SPNS3: variants seen among roughly 807,000 people sequenced by gnomAD.
SPNS3 encodes the protein protein spinster homolog 3.
A neutral mutation model predicts 54.4 loss-of-function variants in SPNS3; 51 were observed. The ratio of observed to expected loss-of-function variants is 0.94; its 90% CI spans 0.75 to 1.18. The LOEUF is 1.18. Among genes scored for constraint, SPNS3 ranks in the 50% most tolerant of loss-of-function variants. The pLI, the probability that SPNS3 is intolerant of heterozygous loss-of-function variation, is 0.00. For missense variants in SPNS3, 669 were observed against 677.4 expected, an observed-to-expected ratio of 0.99 and a Z score of 0.14; for synonymous variants, 309 against 294.7, an observed-to-expected ratio of 1.05 and a Z score of -0.50.
chr17:4,446,893 C>T lies in SPNS3; in HGVS notation c.555-3C>T. 1 of 1,613,940 alleles carries T rather than the reference C, an allele frequency of 6.2e-7. No individual in the cohort carries two copies. The highest frequency in any genetic ancestry group is 1.1e-5 in the South Asian group (1 of 91,090). ...GCCCATCGCCCCTGCCCCTTTGTTG[C>T]AGTGGTCTGGGCTACGTGCTGGGGT... On this transcript the variant is annotated splice_region_variant and splice_polypyrimidine_tract_variant and intron_variant, in intron 4 of 11. Coordinates refer to ENST00000355530, the MANE Select transcript of SPNS3 (RefSeq NM_182538.5).
chr17:4,463,720 A>G (rs1163181953), intron 8 of SPNS3, among the ~76,000 whole-genome samples: 1 of 151,392 alleles, frequency 6.6e-6, no homozygotes, highest in Admixed American at 6.6e-5. Context: ...GCCGGGCAAC[A>G]GAGTGAGACT....
intron 9 of SPNS3, chr17:4,482,134 C>T (rs567797730): frequency 6.6e-6 from 1 of 152,468 alleles, no homozygotes; most frequent in South Asian, 2.1e-4. Flanking sequence ...GATCCGCCCC[C>T]CTTGGCCTCC....
At chr17:4,467,476 T>A (rs531156753) in intron 8 of SPNS3, among the ~76,000 whole-genome samples, 1 of 152,170 alleles carries the variant, frequency 6.6e-6, no homozygotes, top group Non-Finnish European at 1.5e-5. Flanking sequence ...CTTACTCACC[T>A]CCGGCTGTCC....
rs1224675427 is a variant in SPNS3 at position 4,458,609 on chromosome 17, C to CTT, written c.1113+5406_1113+5407dup. 6.6e-5 allele frequency among the ~76,000 whole-genome samples: 7 copies of CTT among 105,734 alleles called. No homozygotes were observed. The Admixed American group carries it at 7.2e-4, about 11-fold the overall frequency. 69.4% of individuals were successfully genotyped at this position (105,734 alleles called of 152,430 possible). A position where few individuals can be genotyped will look rare whatever the true frequency, so the allele number is the denominator to read the frequency against. ...CCCTCCTTTCTTTCTTTCTTTCTTT[C>CTT]TTTCTTTCTTTCTTTCTTTCTTTCT... On this transcript the variant is annotated intron_variant, in intron 8 of 11. Coordinates refer to ENST00000355530, the MANE Select transcript of SPNS3 (RefSeq NM_182538.5).
chr17:4,455,291 T>C (rs1192171309), intron 8 of SPNS3, among the ~76,000 whole-genome samples: 1 of 152,212 alleles, frequency 6.6e-6, no homozygotes, highest in Admixed American at 6.5e-5. Context: ...TTCTCCTTGT[T>C]CCATCTTCTA....
At chr17:4,462,790 C>CACCA (rs1339080432) in intron 8 of SPNS3, among the ~76,000 whole-genome samples, 7 of 130,898 alleles carry the variant, frequency 5.3e-5, no homozygotes, top group African/African-American at 2.4e-4. Flanking sequence ...TCCATCCATC[C>CACCA]ATCCATCCAT....
intron 8 of SPNS3, among the ~76,000 whole-genome samples, chr17:4,476,126 T>TCAGCCCTGGTGGCCG (rs1278798676): frequency 6.6e-6 from 1 of 152,092 alleles, no homozygotes; most frequent in Non-Finnish European, 1.5e-5. Flanking sequence ...TGGAGCTGAG[T>TCAGCCCTGGTGGCCG]CAGCCCTGGT....
chr17:4,448,999 A>G (rs1404015462), intron 6 of SPNS3, among the ~76,000 whole-genome samples: 2 of 152,116 alleles, frequency 1.3e-5, no homozygotes, highest in Non-Finnish European at 2.9e-5. Context: ...GCTGGAGCTC[A>G]GGGTGCTGCC....
At chr17:4,459,016 C>T (rs887955169) in intron 8 of SPNS3, among the ~76,000 whole-genome samples, 8 of 152,098 alleles carry the variant, frequency 5.3e-5, no homozygotes, top group Non-Finnish European at 1.0e-4. Flanking sequence ...AGTCATTCCT[C>T]CCCTCTCCCT....
Position 4,486,241 on chromosome 17 carries a change from C to A in SPNS3, c.1193C>A (p.Pro398His). The change falls in exon 10 of 12, where the codon CCC becomes CAC. Residue 398 changes from proline (P) to histidine (H), a missense_variant. Coordinates refer to ENST00000355530, the MANE Select transcript of SPNS3 (RefSeq NM_182538.5). This position sits in a 1 kb window ranked among gnomAD's most constrained non-coding sequence, Gnocchi z 5.5. ...VADILLSVVV[P>H]RCRGTAEALQ... The stretch of plus-strand genomic sequence containing the variant: ...TATGTTTTGCAGTCTGTGGTGGTGC[C>A]CAGATGCCGGGGGACGGCAGAGGCA... 6.4e-7 allele frequency: 1 copy of A among 1,564,000 alleles called. No individual in the cohort carries two copies. Among genetic ancestry groups the A allele is most frequent in the Admixed American group, 2.0e-5 (1 of 49,460 alleles).
At chr17:4,448,054 A>C in intron 5 of SPNS3, 101 bp from the exon 6 acceptor site, 5 of 1,227,916 alleles carry the variant, frequency 4.1e-6, no homozygotes, top group Non-Finnish European at 4.3e-6. Flanking sequence ...CTTGGAAACC[A>C]GAGGTCAGCC....
At chr17:4,467,959 C>A (rs9916358) in intron 8 of SPNS3, among the ~76,000 whole-genome samples, 20 of 152,180 alleles carry the variant, frequency 1.3e-4, no homozygotes, top group Admixed American at 7.2e-4. Context: ...GCATGGGCGA[C>A]GGCGCCTGGC....
At chr17:4,462,754 AATCCATCC>A (rs1194188864) in intron 8 of SPNS3, among the ~76,000 whole-genome samples, 768 of 20,322 alleles carry the variant, frequency 0.038, 59 homozygotes, top group African/African-American at 0.19. Flanking sequence ...TCCATCCACC[AATCCATCC>A]ATCCATCCAT....
chr17:4,450,211 C>T (rs1458636264), intron 7 of SPNS3, among the ~76,000 whole-genome samples: 2 of 151,938 alleles, frequency 1.3e-5, no homozygotes, highest in African/African-American at 4.8e-5. Context: ...CACTCGTCCT[C>T]TGCTGACTGC....
At chr17:4,456,966 C>T (rs561840319) in intron 8 of SPNS3, among the ~76,000 whole-genome samples, 3 of 152,264 alleles carry the variant, frequency 2.0e-5, no homozygotes, top group African/African-American at 2.4e-5. Context: ...CTGCCTACCT[C>T]GGCCTCCCAA....
intron 3 of SPNS3, 102 bp from the exon 4 acceptor site, chr17:4,445,946 C>T: frequency 7.3e-7 from 1 of 1,378,510 alleles, no homozygotes; most frequent in Middle Eastern, 2.7e-4. Context: ...ACTCTGGGGT[C>T]CTGTGTCATG....
intron 9 of SPNS3, among the ~76,000 whole-genome samples, chr17:4,479,218 G>A (rs1972093559): frequency 6.6e-6 from 1 of 152,222 alleles, no homozygotes; most frequent in South Asian, 2.1e-4. Context: ...TGGGATTACA[G>A]GCGTGAGCCA....
At chr17:4,475,369 G>A (rs552324724) in intron 8 of SPNS3, among the ~76,000 whole-genome samples, 9 of 152,260 alleles carry the variant, frequency 5.9e-5, no homozygotes, top group Non-Finnish European at 1.2e-4. Flanking sequence ...GGAAACTGGG[G>A]AGGAGATGGC....
intron 8 of SPNS3, among the ~76,000 whole-genome samples, chr17:4,463,402 A>AC (rs796382280): frequency 1.5e-3 from 211 of 137,174 alleles, no homozygotes; most frequent in African/African-American, 5.5e-3. Flanking sequence ...GTCTCAAAAA[A>AC]AAAAAAAAAC....
Sources: allele counts gnomAD v4.1 joint callset (sites outside exome capture counted in the v4.1 genomes callset), GRCh38; gene constraint gnomAD v4.1.1; non-coding constraint Gnocchi (gnomAD v3.1); transcripts MANE v1.5; gene names NCBI Gene and HGNC (gene_info 2026-07-23, HGNC 2026-07-21).